Variants in SNRPN observed in about 807,000 individuals in gnomAD.
The protein encoded by SNRPN is small nuclear ribonucleoprotein polypeptide N.
In SNRPN, 7 loss-of-function variants were observed where a neutral mutation model predicts 25.2. The observed-to-expected ratio is 0.28, with a 90% CI of 0.16 to 0.52. The LOEUF (loss-of-function observed/expected upper bound fraction) is 0.52, where lower values mean the gene tolerates loss of function less well. Ranked by LOEUF, SNRPN falls within the 20% of genes least tolerant of loss-of-function variation. The pLI, the probability that SNRPN is intolerant of heterozygous loss-of-function variation, is 0.96. For synonymous variants in SNRPN, 124 were observed against 110.6 expected, an observed-to-expected ratio of 1.12 and a Z score of -0.76; for missense variants, 196 against 322.5, an observed-to-expected ratio of 0.61 and a Z score of 3.00.
intron 1 of SNRPN, among the ~76,000 whole-genome samples, chr15:24,878,115 G>T (rs1419931340): frequency 1.3e-5 from 2 of 152,160 alleles, no homozygotes; most frequent in Non-Finnish European, 2.9e-5. Flanking sequence ...CATATATTCA[G>T]TACCACTACA....
Position 24,844,479 on chromosome 15 carries a change from C to T in SNRPN, c.-579+14574C>T, listed in dbSNP as rs141822043. Among the ~76,000 whole-genome samples the T allele has an allele frequency of 8.7e-4, 133 of 152,208 alleles. 1 individual carries two copies. Among genetic ancestry groups the T allele is most frequent in the Middle Eastern group, 6.8e-3 (2 of 294 alleles). On this transcript the variant is annotated intron_variant, in intron 2 of 12. Transcript: ENST00000400100. ...TCGTCTTTCTCTTAACAGTGTCTGT[C>T]AAAGAGCAGCATTTATTTTAATTTT... is the stretch of plus-strand genomic sequence containing the variant.
rs553674905 is a variant in SNRPN, at chr15:24,845,842, T to C, written c.-579+15937T>C. Among the ~76,000 whole-genome samples, 13 of 152,144 alleles carry C rather than the reference T, an allele frequency of 8.5e-5. No individual in the cohort carries two copies. In the South Asian group the frequency reaches 2.3e-3, roughly 27 times the overall value. Reference sequence around the variant, plus strand: ...GCTCAAGACTGTAATCCCAGCACTTTGGGAGGCTGAGGTGGGTGGATCACG... The same window carrying C: ...GCTCAAGACTGTAATCCCAGCACTTCGGGAGGCTGAGGTGGGTGGATCACG... On this transcript the variant is annotated intron_variant, in intron 2 of 12. Transcript: ENST00000400100.
chr15:24,965,871 A>T (rs2075549251), intron 2 of SNRPN, among the ~76,000 whole-genome samples: 1 of 151,232 alleles, frequency 6.6e-6, no homozygotes, highest in Non-Finnish European at 1.5e-5. Flanking sequence ...CATTATATAT[A>T]TTTTTTTTTA....
At chr15:24,894,499 G>A (rs555367528) in intron 2 of SNRPN, among the ~76,000 whole-genome samples, 1 of 152,274 alleles carries the variant, frequency 6.6e-6, no homozygotes, top group East Asian at 1.9e-4. Context: ...GATTACAGGC[G>A]TGAGCCACCG....
At chr15:24,847,057 C>T (rs1052772765) in intron 2 of SNRPN, among the ~76,000 whole-genome samples, 1 of 152,136 alleles carries the variant, frequency 6.6e-6, no homozygotes, top group African/African-American at 2.4e-5. Context: ...TTGATTGAGT[C>T]ATACCTTCCT....
At chr15:24,892,652 G>A (rs576959211) in intron 2 of SNRPN, among the ~76,000 whole-genome samples, 3 of 146,490 alleles carry the variant, frequency 2.0e-5, no homozygotes, top group South Asian at 2.2e-4. Flanking sequence ...CAGGAGAATC[G>A]CTTGAACCTG....
At chr15:24,949,010 C>CTTTTTTTTTT (rs869100437) in intron 3 of SNRPN, among the ~76,000 whole-genome samples, 2 of 46,418 alleles carry the variant, frequency 4.3e-5, no homozygotes, top group African/African-American at 8.9e-5. Context: ...TTTGCCTATT[C>CTTTTTTTTTT]TTTTTTTTTT....
intron 3 of SNRPN, among the ~76,000 whole-genome samples, chr15:24,948,931 A>T (rs2062048173): frequency 6.6e-6 from 1 of 150,444 alleles, no homozygotes; most frequent in Non-Finnish European, 1.5e-5. Flanking sequence ...CATAACCAAC[A>T]GCAATTACTC....
chr15:24,865,647 C>G (rs1021785548), intron 1 of SNRPN, among the ~76,000 whole-genome samples: 1 of 152,166 alleles, frequency 6.6e-6, no homozygotes, highest in African/African-American at 2.4e-5. Flanking sequence ...AACCTCCTGT[C>G]AGTTAGAACA....
chr15:24,970,794 C>G (rs538634689), intron 3 of SNRPN, among the ~76,000 whole-genome samples: 12 of 152,250 alleles, frequency 7.9e-5, no homozygotes. Flanking sequence ...CAGTACCACC[C>G]TTTGTATTCT....
chr15:24,867,672 C>A (rs1397088561), intron 1 of SNRPN, among the ~76,000 whole-genome samples: 6 of 152,124 alleles, frequency 3.9e-5, no homozygotes, highest in Admixed American at 3.9e-4. Context: ...CTGCGCCCGG[C>A]CTTAAATAAG....
rs574699057 is a variant in SNRPN at position 24,832,378 on chromosome 15, G to A, written c.-579+2473G>A. On this transcript the variant is annotated intron_variant, in intron 2 of 12. Coordinates refer to the SNRPN transcript ENST00000400100. The stretch of plus-strand genomic sequence containing the variant: ...AGGGATTACTGACATGGTTGTGAGA[G>A]GTGAGGCCAGCTGGACTTCCTGGGT... 5.3e-5 allele frequency among the ~76,000 whole-genome samples: 8 copies of A among 152,196 alleles called. No individual in the cohort carries two copies. In the South Asian group the frequency reaches 1.7e-3, roughly 32 times the overall value.
chr15:24,961,204 ATG>A (rs1213752908), intron 1 of SNRPN, among the ~76,000 whole-genome samples: 1 of 152,218 alleles, frequency 6.6e-6, no homozygotes, highest in Non-Finnish European at 1.5e-5. Context: ...GAAATCAAAT[ATG>A]TGTGTATGGC....
chr15:24,905,484 G>A (rs1485681284), intron 2 of SNRPN, among the ~76,000 whole-genome samples: 1 of 148,240 alleles, frequency 6.7e-6, no homozygotes, highest in African/African-American at 2.5e-5. Flanking sequence ...ACTCGAGCCT[G>A]GGTGACAGAG....
chr15:24,832,673 G>C (rs964573779), intron 2 of SNRPN, among the ~76,000 whole-genome samples: 2 of 151,964 alleles, frequency 1.3e-5, no homozygotes, highest in African/African-American at 4.8e-5. Context: ...AATAAGCCTT[G>C]CTACCGGTCA....
intron 2 of SNRPN, chr15:24,909,372 C>G (rs2059064357): frequency 6.2e-7 from 1 of 1,600,746 alleles, no homozygotes; most frequent in Non-Finnish European, 8.5e-7. Flanking sequence ...GTAGTTCTGG[C>G]AAGGCCTGCA....
chr15:24,870,513 A>ATAC (rs2054992931), intron 1 of SNRPN, among the ~76,000 whole-genome samples: 1 of 152,146 alleles, frequency 6.6e-6, no homozygotes, highest in African/African-American at 2.4e-5. Flanking sequence ...CCCCCACTCT[A>ATAC]ACAGTGAGTG....
At chr15:24,848,533 T>C (rs2052482313) in intron 2 of SNRPN, 1 of 152,210 alleles carries the variant, frequency 6.6e-6, no homozygotes, top group African/African-American at 2.4e-5. Flanking sequence ...AAAACTGTGG[T>C]GTTTCTTTAC....
At chr15:24,914,248 T>C (rs2059392080) in intron 2 of SNRPN, among the ~76,000 whole-genome samples, 1 of 152,130 alleles carries the variant, frequency 6.6e-6, no homozygotes, top group Non-Finnish European at 1.5e-5. Flanking sequence ...TATTCTGGCC[T>C]CCCACAAGAG....
Sources: allele counts gnomAD v4.1 joint callset (sites outside exome capture counted in the v4.1 genomes callset), GRCh38; gene constraint gnomAD v4.1.1; transcripts MANE v1.5; gene names NCBI Gene and HGNC (gene_info 2026-07-23, HGNC 2026-07-21).